The following UTP20 variants were observed in gnomAD, a reference collection of about 807,000 sequenced individuals.
UTP20 encodes the protein UTP20 small subunit processome component.
UTP20 carries 164 observed loss-of-function variants against 329.5 expected under a neutral mutation model. The ratio of observed to expected loss-of-function variants is 0.50; its 90% CI spans 0.44 to 0.57. UTP20 has a LOEUF of 0.57. Ranked by LOEUF, UTP20 falls within the 20% of genes least tolerant of loss-of-function variation. The probability of loss-of-function intolerance (pLI) is 0.00; values close to 1 mark genes in which losing one functional copy is unlikely to be tolerated. For missense variants in UTP20, 3,055 were observed against 3,284.2 expected, an observed-to-expected ratio of 0.93 and a Z score of 1.71; for synonymous variants, 1,151 against 1,159.3, an observed-to-expected ratio of 0.99 and a Z score of 0.14.
intron 35 of UTP20, 95 bp from the exon 36 acceptor site, chr12:101,344,500 G>A: frequency 1.4e-6 from 1 of 717,954 alleles, no homozygotes; most frequent in South Asian, 1.8e-5. Context: ...TACAAGCACA[G>A]TGACAGAATT....
intron 21 of UTP20, among the ~76,000 whole-genome samples, chr12:101,313,724 G>T (rs749726605): frequency 1.3e-5 from 2 of 151,892 alleles, no homozygotes; most frequent in African/African-American, 2.4e-5. Context: ...GTGTGTGGTG[G>T]GGAGTGGGAC....
intron 23 of UTP20, 102 bp from the exon 24 acceptor site, chr12:101,320,750 T>C: frequency 9.9e-7 from 1 of 1,011,402 alleles, no homozygotes; most frequent in Non-Finnish European, 1.4e-6. Flanking sequence ...TGTAAAAATT[T>C]AGAATTTTTC....
Position 101,286,344 on chromosome 12 carries a change from A to C in UTP20, c.350A>C (p.Asp117Ala), listed in dbSNP as rs1871959218. Residue 117 changes from aspartate to alanine, a missense_variant, in exon 5 of 62, where the codon GAT (aspartate) becomes GCT (alanine). Asp to Ala is a moderately radical substitution (Grantham distance 126, BLOSUM62 -2). Coordinates refer to ENST00000261637, the MANE Select transcript of UTP20 (RefSeq NM_014503.3). ...LLDLVVQLAR[D>A]LQMDFYPHFP... ...AGTTTGGTTGTACAGTTGGCACGAGATCTGCAGATGGATTTCTACCCACAC... is the reference window on the plus strand; with the variant it reads ...AGTTTGGTTGTACAGTTGGCACGAGCTCTGCAGATGGATTTCTACCCACAC... 1.2e-6 allele frequency: 2 copies of C among 1,610,598 alleles called. No homozygotes were observed. The highest frequency in any genetic ancestry group is 1.7e-6 in the Non-Finnish European group (2 of 1,178,464).
chr12:101,306,550 T>C (rs1284180141), intron 16 of UTP20, 149 bp from the exon 17 acceptor site: 3 of 605,456 alleles, frequency 5.0e-6, no homozygotes, highest in South Asian at 6.1e-5. Flanking sequence ...GTGTTGAATA[T>C]GAAATAAGGG....
intron 51 of UTP20, among the ~76,000 whole-genome samples, 180 bp downstream of exon 51, chr12:101,371,348 G>A (rs948189559): frequency 6.6e-6 from 1 of 151,986 alleles, no homozygotes; most frequent in Non-Finnish European, 1.5e-5. Flanking sequence ...CTGACAGGCA[G>A]GCCAAAATTT....
intron 32 of UTP20, 64 bp downstream of exon 32, chr12:101,340,674 CG>C: frequency 3.9e-6 from 4 of 1,020,136 alleles, no homozygotes; most frequent in Non-Finnish European, 6.0e-6. Flanking sequence ...GGTTTAATTG[CG>C]AGCAGCAATT....
chr12:101,370,286 A>G (rs1019784192), intron 49 of UTP20, 146 bp from the exon 50 acceptor site: 3 of 987,764 alleles, frequency 3.0e-6, no homozygotes, highest in Non-Finnish European at 4.4e-6. Context: ...TATGGCCAAA[A>G]TTTTTTCCAG....
chr12:101,338,238 A>C lies in UTP20; in HGVS notation c.3829A>C (p.Thr1277Pro). The change falls in exon 30 of 62, where the codon ACT becomes CCT. Residue 1277 changes from threonine (T) to proline (P), a missense_variant. Physicochemically the swap from Thr to Pro is conservative, Grantham distance 38. This residue lies in a region of UTP20 where 2,445 missense variants were observed against 2,575.5 expected (regional missense o/e 0.95). Transcript: ENST00000261637. The part of the protein sequence containing the change: ...PTETVLNLLV[T>P]GCVYPGIAEN... ...AGAAACAGTTTTGAACTTGCTGGTAACTGGATGTGTATACCCTGGCATAGC... is the reference window on the plus strand; with the variant it reads ...AGAAACAGTTTTGAACTTGCTGGTACCTGGATGTGTATACCCTGGCATAGC... The C allele has an allele frequency of 6.2e-7, 1 of 1,614,154 alleles. No homozygotes were observed. The highest frequency in any genetic ancestry group is 8.5e-7 in the Non-Finnish European group (1 of 1,180,008).
At chr12:101,283,422 GGTCATGAGA>G (rs1871859235) in intron 2 of UTP20, among the ~76,000 whole-genome samples, 2 of 152,128 alleles carry the variant, frequency 1.3e-5, no homozygotes, top group Admixed American at 6.5e-5. Flanking sequence ...GTTTTGCTTT[GGTCATGAGA>G]GTCACTTTCA....
intron 26 of UTP20, among the ~76,000 whole-genome samples, chr12:101,328,067 T>C (rs1471946377): frequency 6.6e-6 from 1 of 152,228 alleles, no homozygotes; most frequent in African/African-American, 2.4e-5. Flanking sequence ...AGTCCCCAAA[T>C]TGCTTTGCTT....
rs1870446312 is a variant in UTP20, at chr12:101,375,614, T to G, written c.7264-10T>G. ...TTGTTTTCATTGATTTACATCCGTCTTGTTTTTAGATCATGGAAGAAACTG... is the reference window on the plus strand; with the variant it reads ...TTGTTTTCATTGATTTACATCCGTCGTGTTTTTAGATCATGGAAGAAACTG... On this transcript the variant is annotated splice_polypyrimidine_tract_variant and intron_variant, in intron 55 of 61. Transcript: ENST00000261637. 3 of 1,609,628 alleles carry G rather than the reference T, an allele frequency of 1.9e-6. No homozygotes were observed. In the South Asian group the frequency reaches 3.4e-5, roughly 18 times the overall value.
intron 3 of UTP20, 50 bp downstream of exon 3, chr12:101,285,686 A>T: frequency 6.2e-7 from 1 of 1,613,582 alleles, no homozygotes. Context: ...TGCACTTTAT[A>T]TGTTCCATAC....
At chr12:101,346,187 G>C (rs1168571107) in intron 37 of UTP20, among the ~76,000 whole-genome samples, 1 of 152,110 alleles carries the variant, frequency 6.6e-6, no homozygotes, top group Non-Finnish European at 1.5e-5. Flanking sequence ...GAGTAGCTGG[G>C]ATTACAGGCA....
intron 43 of UTP20, among the ~76,000 whole-genome samples, chr12:101,360,922 T>C (rs559264880): frequency 6.6e-6 from 1 of 152,340 alleles, no homozygotes; most frequent in African/African-American, 2.4e-5. Context: ...CCTTAGCCTA[T>C]GATCATTATC....
Position 101,322,134 on chromosome 12 carries a change from C to T in UTP20, c.3041+505C>T, listed in dbSNP as rs531464866. ...CCTCCTGAGTAGCTGGGATCACAAGCGTGCGCCACCATGCCTGGCTAATTT... is the reference window on the plus strand; with the variant it reads ...CCTCCTGAGTAGCTGGGATCACAAGTGTGCGCCACCATGCCTGGCTAATTT... On this transcript the variant is annotated intron_variant, in intron 25 of 61. Coordinates refer to ENST00000261637, the MANE Select transcript of UTP20 (RefSeq NM_014503.3). Among the ~76,000 whole-genome samples the T allele has an allele frequency of 4.6e-5, 7 of 152,162 alleles. 1 individual carries two copies. The highest frequency in any genetic ancestry group is 9.6e-5 in the African/African-American group (4 of 41,532).
chr12:101,334,081 C>A (rs1868853356), intron 28 of UTP20, among the ~76,000 whole-genome samples: 3 of 152,198 alleles, frequency 2.0e-5, no homozygotes, highest in Admixed American at 2.0e-4. Context: ...CTGGTTGTAA[C>A]CCCTTGGTGA....
chr12:101,336,849 G>C (rs1019128997), intron 29 of UTP20, among the ~76,000 whole-genome samples: 1 of 152,238 alleles, frequency 6.6e-6, no homozygotes, highest in African/African-American at 2.4e-5. Context: ...CATGTAGCAT[G>C]CTCATTGTAC....
At chr12:101,319,697 G>A in intron 23 of UTP20, 62 bp downstream of exon 23, 1 of 1,388,442 alleles carries the variant, frequency 7.2e-7, no homozygotes, top group South Asian at 1.3e-5. Flanking sequence ...CATTTTCTTT[G>A]TCAGAGTAGC....
chr12:101,373,898 C>A, intron 54 of UTP20, 131 bp downstream of exon 54: 1 of 1,080,612 alleles, frequency 9.3e-7, no homozygotes, highest in Non-Finnish European at 1.3e-6. Context: ...TCTGATTATG[C>A]AAATAGTATA....
Sources: gnomAD v4.1 joint callset for allele counts (sites outside exome capture counted in the v4.1 genomes callset) on GRCh38, gnomAD v4.1.1 for gene constraint, gnomAD v4.1.1 regional missense constraint, MANE v1.5 for transcripts, NCBI Gene and HGNC (gene_info 2026-07-23, HGNC 2026-07-21) for gene names.